NSMAF: variants seen among roughly 807,000 people sequenced by gnomAD.
The protein encoded by NSMAF is neutral sphingomyelinase activation associated factor.
NSMAF carries 90 observed loss-of-function variants against 134.9 expected under a neutral mutation model. That is an observed-to-expected ratio of 0.67 (90% CI 0.56 to 0.79). The LOEUF is 0.79. NSMAF is among the 30% of genes least tolerant of loss of function. The probability of loss-of-function intolerance (pLI) is 0.00; values close to 1 mark genes in which losing one functional copy is unlikely to be tolerated. For missense variants in NSMAF, 1,010 were observed against 1,119.0 expected (o/e 0.90, Z 1.39); for synonymous variants, 358 against 389.6 (o/e 0.92, Z 0.96).
intron 1 of NSMAF, among the ~76,000 whole-genome samples, chr8:58,652,157 G>A (rs564921855): frequency 3.6e-4 from 55 of 151,044 alleles, no homozygotes; most frequent in African/African-American, 1.2e-3. Flanking sequence ...CAGGATAGAT[G>A]AAGAAAAAAA....
At chr8:58,648,552 A>G (rs1807512901) in intron 1 of NSMAF, among the ~76,000 whole-genome samples, 2 of 152,206 alleles carry the variant, frequency 1.3e-5, no homozygotes, top group African/African-American at 2.4e-5. Context: ...AGTTTTCAGG[A>G]TGTCCCTCCC....
At chr8:58,585,277 G>A (rs1805855945) in intron 30 of NSMAF, among the ~76,000 whole-genome samples, 1 of 150,590 alleles carries the variant, frequency 6.6e-6, no homozygotes, top group Non-Finnish European at 1.5e-5. Context: ...GTAGAAAGAA[G>A]CCTTAATTTT....
intron 2 of NSMAF, among the ~76,000 whole-genome samples, chr8:58,640,486 C>T (rs951694885): frequency 6.6e-6 from 1 of 152,046 alleles, no homozygotes; most frequent in South Asian, 2.1e-4. Context: ...AATACATATA[C>T]ATGCATGTAT....
intron 9 of NSMAF, among the ~76,000 whole-genome samples, chr8:58,612,678 G>T (rs573400101): frequency 6.6e-6 from 1 of 152,156 alleles, no homozygotes; most frequent in African/African-American, 2.4e-5. Flanking sequence ...TTAACCTCTG[G>T]GGTCTGTGCT....
intron 1 of NSMAF, among the ~76,000 whole-genome samples, chr8:58,655,216 T>C (rs902352200): frequency 6.6e-6 from 1 of 152,020 alleles, no homozygotes; most frequent in Admixed American, 6.6e-5. Flanking sequence ...AAACGATCTT[T>C]GTGCCTTGGC....
intron 16 of NSMAF, 78 bp from the exon 17 acceptor site, chr8:58,600,099 G>C: frequency 2.0e-6 from 2 of 1,010,802 alleles, no homozygotes; most frequent in East Asian, 4.7e-5. Context: ...CTTGGGGGCT[G>C]TTCTACACTT....
intron 6 of NSMAF, among the ~76,000 whole-genome samples, chr8:58,630,962 TG>T (rs1237919172): frequency 2.0e-5 from 3 of 152,312 alleles, no homozygotes; most frequent in East Asian, 3.9e-4. Context: ...CCCTCTACTA[TG>T]TATTAAGCTG....
At chr8:58,622,652 C>T (rs1354711320) in intron 9 of NSMAF, among the ~76,000 whole-genome samples, 4 of 152,184 alleles carry the variant, frequency 2.6e-5, no homozygotes, top group South Asian at 2.1e-4. Context: ...CTCAGCCTCC[C>T]GAAGTGCTGG....
intron 10 of NSMAF, among the ~76,000 whole-genome samples, chr8:58,608,664 G>C (rs978079459): frequency 6.6e-6 from 1 of 152,204 alleles, no homozygotes; most frequent in Non-Finnish European, 1.5e-5. Flanking sequence ...AATAGTAGCA[G>C]CCAAGCCAAT....
Position 58,639,223 on chromosome 8 carries a change from G to T in NSMAF, c.150-3677C>A, listed in dbSNP as rs368929670. On this transcript the variant is annotated intron_variant, in intron 2 of 30. Transcript: ENST00000038176. ...CGCTTGAACCCGGAAGGCAGAGGTT[G>T]CAGTGAGCAGAGATCACGCCACTGC... 7.7e-4 allele frequency among the ~76,000 whole-genome samples: 117 copies of T among 152,150 alleles called. 8 individuals are homozygous for T. The South Asian group carries it at 0.022, about 29-fold the overall frequency.
chr8:58,595,172 G>A (rs1806107500), intron 22 of NSMAF, among the ~76,000 whole-genome samples: 1 of 152,112 alleles, frequency 6.6e-6, no homozygotes, highest in South Asian at 2.1e-4. Context: ...TTTTTTAAAA[G>A]GTGCCTTTTC....
chr8:58,634,754 G>A (rs774236850), intron 5 of NSMAF, among the ~76,000 whole-genome samples: 2 of 152,102 alleles, frequency 1.3e-5, no homozygotes, highest in African/African-American at 2.4e-5. Context: ...AATATAAAGG[G>A]AATAAATCTG....
chr8:58,614,377 T>G (rs1806606668), intron 9 of NSMAF, among the ~76,000 whole-genome samples: 1 of 152,212 alleles, frequency 6.6e-6, no homozygotes. Flanking sequence ...AACTAGTGAC[T>G]TCAAGTATTG....
intron 10 of NSMAF, among the ~76,000 whole-genome samples, chr8:58,608,087 T>C (rs868529178): frequency 7.9e-5 from 12 of 152,378 alleles, no homozygotes; most frequent in Middle Eastern, 3.4e-3. Context: ...AATGCAATCA[T>C]CTATCTTTCA....
intron 16 of NSMAF, 73 bp from the exon 17 acceptor site, chr8:58,600,094 G>T: frequency 9.0e-7 from 1 of 1,106,802 alleles, no homozygotes. Context: ...ATGCACTTGG[G>T]GGCTGTTCTA....
intron 6 of NSMAF, among the ~76,000 whole-genome samples, chr8:58,629,237 C>T (rs577106824): frequency 2.0e-5 from 3 of 152,090 alleles, no homozygotes; most frequent in East Asian, 3.9e-4. Flanking sequence ...TCTTTTTTCT[C>T]TTAGCTCCCC....
At chr8:58,647,781 T>G (rs569044828) in intron 1 of NSMAF, among the ~76,000 whole-genome samples, 1 of 152,308 alleles carries the variant, frequency 6.6e-6, no homozygotes, top group South Asian at 2.1e-4. Flanking sequence ...TGCAGAACCA[T>G]GAGCCAACTA....
chr8:58,649,945 ATCTG>A (rs1258479572), intron 1 of NSMAF, among the ~76,000 whole-genome samples: 1 of 152,146 alleles, frequency 6.6e-6, no homozygotes, highest in Non-Finnish European at 1.5e-5. Context: ...TTTATAAATA[ATCTG>A]TCTGATCTAG....
intron 22 of NSMAF, 74 bp from the exon 23 acceptor site, chr8:58,594,364 T>C: frequency 7.4e-7 from 1 of 1,357,340 alleles, no homozygotes; most frequent in South Asian, 1.2e-5. Flanking sequence ...ATATCCTTGA[T>C]TTAATTTTAC....
Sources: allele counts gnomAD v4.1 joint callset (sites outside exome capture counted in the v4.1 genomes callset), GRCh38; gene constraint gnomAD v4.1.1; transcripts MANE v1.5; gene names NCBI Gene and HGNC (gene_info 2026-07-23, HGNC 2026-07-21).